DMXL1: variants seen among roughly 807,000 people sequenced by gnomAD.
DMXL1 encodes the protein dmX-like protein 1.
DMXL1 carries 99 observed loss-of-function variants against 319.2 expected under a neutral mutation model. The observed-to-expected ratio is 0.31, with a 90% CI of 0.26 to 0.37. The LOEUF is 0.37. DMXL1 is among the 10% of genes least tolerant of loss of function. DMXL1 has a pLI of 1.00. For synonymous variants in DMXL1, 1,385 were observed against 1,235.2 expected (o/e 1.12, Z -2.54); for missense variants, 3,745 against 3,595.6 (o/e 1.04, Z -1.06).
chr5:119,169,139 A>G (rs1230885470), intron 23 of DMXL1, among the ~76,000 whole-genome samples: 2 of 152,074 alleles, frequency 1.3e-5, no homozygotes, highest in East Asian at 1.9e-4. Context: ...CCTGAGCTCA[A>G]AGTGCTGGGA....
At position 119,147,819 on chromosome 5, in the gene DMXL1, G is replaced by A. The variant is rs544072800; in HGVS notation, c.2911+349G>A. Among the ~76,000 whole-genome samples the A allele has an allele frequency of 1.1e-4, 16 of 152,282 alleles. No homozygotes were observed. The East Asian group carries it at 2.5e-3, about 24-fold the overall frequency. On this transcript the variant is annotated intron_variant, in intron 17 of 43. Transcript: ENST00000539542. ...TGCCTGGAGCCATGATTCTGATTGTGTGGTTTCTGCTATATATTTATTATC... is the reference window on the plus strand; with the variant it reads ...TGCCTGGAGCCATGATTCTGATTGTATGGTTTCTGCTATATATTTATTATC...
chr5:119,095,550 A>G (rs1219690745), intron 1 of DMXL1, among the ~76,000 whole-genome samples: 1 of 152,228 alleles, frequency 6.6e-6, no homozygotes, highest in Non-Finnish European at 1.5e-5. Context: ...ACAAAGGTGA[A>G]GTTGTGAAGA....
chr5:119,127,857 C>T (rs1763950592), intron 9 of DMXL1: 2 of 323,684 alleles, frequency 6.2e-6, no homozygotes, highest in Admixed American at 4.3e-5. Context: ...TGGCATTTCT[C>T]TGGTATCAGC....
chr5:119,122,388 C>T (rs186428332), intron 9 of DMXL1, among the ~76,000 whole-genome samples: 6,499 of 146,034 alleles, frequency 0.045, 228 homozygotes, highest in South Asian at 0.069. Flanking sequence ...TAGGGGCGAC[C>T]GGGCAGAGGC....
intron 35 of DMXL1, among the ~76,000 whole-genome samples, chr5:119,218,061 G>A (rs1414231629): frequency 6.6e-6 from 1 of 152,044 alleles, no homozygotes; most frequent in African/African-American, 2.4e-5. Context: ...TGTATAACAT[G>A]ATATTATATA....
Position 119,147,334 on chromosome 5 carries a change from T to A in DMXL1, c.2775T>A (p.Pro925=), listed in dbSNP as rs780142947. 1 of 1,613,444 alleles carries A rather than the reference T, an allele frequency of 6.2e-7. No homozygotes were observed. The highest frequency in any genetic ancestry group is 1.1e-5 in the South Asian group (1 of 91,070). The stretch of plus-strand genomic sequence containing the variant: ...CTTCTCCAGAGAAGATCCTATCTCC[T>A]TTTTCACAAAAGTATCAGGCTTGCA... The part of the protein sequence containing the change: ...YSSSPEKILS[P]FSQKYQACRA... The change falls in exon 17 of 44, where the codon CCT becomes CCA. Residue 925 remains proline, a synonymous_variant. Coordinates refer to ENST00000539542, the MANE Select transcript of DMXL1 (RefSeq NM_001290321.3).
rs1561679030 is a variant in DMXL1 at position 119,133,799 on chromosome 5, C to G, written c.1875C>G (p.Leu625=). 3 of 1,614,174 alleles carry G rather than the reference C, an allele frequency of 1.9e-6. No individual in the cohort carries two copies. ...FAEESAFSTV[L]SISHKSRYCG... ...AGGAATCTGCTTTTTCTACTGTTCT[C>G]AGTATTTCCCACAAATCCAGATATT... The change falls in exon 12 of 44, where the codon CTC becomes CTG. Residue 625 remains leucine (L), a synonymous_variant. Coordinates refer to ENST00000539542, the MANE Select transcript of DMXL1 (RefSeq NM_001290321.3).
In DMXL1 at chr5:119,148,779, T is replaced by C. The variant is rs572586886; in HGVS notation, c.2952T>C (p.Ala984=). The change falls in exon 18 of 44, where the codon GCT becomes GCC. Residue 984 remains alanine (A), a synonymous_variant. Coordinates refer to ENST00000539542, the MANE Select transcript of DMXL1 (RefSeq NM_001290321.3). ...CTTCTATATATCCTGCATGCAGTGC[T>C]CCTTATTTATTGGCAACTTCATGTT... The part of the protein sequence containing the change: ...SSSSIYPACS[A]PYLLATSCSD... 2.5e-5 allele frequency: 41 copies of C among 1,613,514 alleles called. 1 individual carries two copies. In the South Asian group the frequency reaches 4.3e-4, roughly 17 times the overall value.
intron 3 of DMXL1, among the ~76,000 whole-genome samples, chr5:119,103,082 A>G (rs1044564446): frequency 6.9e-6 from 1 of 145,714 alleles, no homozygotes; most frequent in Non-Finnish European, 1.5e-5. Context: ...AAATTAAAAG[A>G]TTTTTTTTTT....
At chr5:119,080,261 T>G (rs1751903398) in intron 1 of DMXL1, among the ~76,000 whole-genome samples, 1 of 152,018 alleles carries the variant, frequency 6.6e-6, no homozygotes, top group African/African-American at 2.4e-5. Flanking sequence ...GCAGGATAAT[T>G]GCTTGAACCT....
At chr5:119,079,937 C>T (rs775468993) in intron 1 of DMXL1, among the ~76,000 whole-genome samples, 1 of 152,186 alleles carries the variant, frequency 6.6e-6, no homozygotes, top group Non-Finnish European at 1.5e-5. Flanking sequence ...CCTTGGTCCT[C>T]TTCTCGTTTC....
chr5:119,126,975 C>A, intron 9 of DMXL1: 1 of 165,616 alleles, frequency 6.0e-6, no homozygotes, highest in South Asian at 1.8e-4. Context: ...TTTTTTTGAC[C>A]TTCATCTTGA....
chr5:119,240,561 A>G (rs954208593), intron 42 of DMXL1, 90 bp downstream of exon 42: 7 of 948,120 alleles, frequency 7.4e-6, no homozygotes, highest in African/African-American at 1.7e-5. Context: ...CTGATGACAC[A>G]TATATTTATT....
intron 9 of DMXL1, chr5:119,128,533 T>C (rs2150017784): frequency 6.3e-6 from 1 of 157,894 alleles, no homozygotes; most frequent in East Asian, 1.9e-4. Flanking sequence ...ATAAATGAAA[T>C]ATTATAAATT....
chr5:119,079,567 A>G (rs1751731368), intron 1 of DMXL1, among the ~76,000 whole-genome samples: 1 of 152,158 alleles, frequency 6.6e-6, no homozygotes, highest in African/African-American at 2.4e-5. Flanking sequence ...TGTCCTGCTC[A>G]CTTCTTAACT....
At chr5:119,109,919 G>A (rs575911352) in intron 4 of DMXL1, among the ~76,000 whole-genome samples, 4 of 152,194 alleles carry the variant, frequency 2.6e-5, no homozygotes, top group Admixed American at 2.6e-4. Flanking sequence ...ACAGTGCCCG[G>A]GACAAAGAAG....
chr5:119,089,378 T>A (rs1245017083), intron 1 of DMXL1, among the ~76,000 whole-genome samples: 1 of 134,112 alleles, frequency 7.5e-6, no homozygotes, highest in Non-Finnish European at 1.5e-5. Flanking sequence ...CGATCTCAGC[T>A]CACTGCAACC....
intron 26 of DMXL1, among the ~76,000 whole-genome samples, chr5:119,176,078 A>C (rs1775745355): frequency 6.6e-6 from 1 of 151,750 alleles, no homozygotes; most frequent in Non-Finnish European, 1.5e-5. Context: ...TTCTAGCTTC[A>C]TTTTCCAAAC....
intron 29 of DMXL1, 33 bp downstream of exon 29, chr5:119,189,919 A>C: frequency 6.4e-7 from 1 of 1,554,780 alleles, no homozygotes; most frequent in Non-Finnish European, 8.8e-7. Context: ...CAATATTTTC[A>C]TAGTCAAATA....
Sources: gnomAD v4.1 joint callset for allele counts (sites outside exome capture counted in the v4.1 genomes callset) on GRCh38, gnomAD v4.1.1 for gene constraint, MANE v1.5 for transcripts, NCBI Gene and HGNC (gene_info 2026-07-23, HGNC 2026-07-21) for gene names.